Variants in SLCO1A2 observed in about 807,000 individuals in gnomAD.
The protein encoded by SLCO1A2 is OATP-1.
In SLCO1A2, 67 loss-of-function variants were observed where a neutral mutation model predicts 69.0. The ratio of observed to expected loss-of-function variants is 0.97; its 90% CI spans 0.80 to 1.19. The LOEUF is 1.19. SLCO1A2 is among the 50% of genes most tolerant of loss of function. The pLI, the probability that SLCO1A2 is intolerant of heterozygous loss-of-function variation, is 0.00. For missense variants in SLCO1A2, 787 were observed against 793.7 expected (o/e 0.99, Z 0.10); for synonymous variants, 260 against 265.9 (o/e 0.98, Z 0.22).
At chr12:21,323,347 A>C (rs1384279054) in intron 2 of SLCO1A2, among the ~76,000 whole-genome samples, 1 of 152,168 alleles carries the variant, frequency 6.6e-6, no homozygotes, top group Admixed American at 6.5e-5. Context: ...GCTTGAGCCC[A>C]GGAGTTTGAG....
chr12:21,391,299 G>A (rs1356100776), intron 1 of SLCO1A2, among the ~76,000 whole-genome samples: 1 of 152,056 alleles, frequency 6.6e-6, no homozygotes, highest in Non-Finnish European at 1.5e-5. Context: ...CAAATGCTTT[G>A]ACTGTCCTTA....
At chr12:21,394,300 G>A (rs1028054368) in intron 1 of SLCO1A2, among the ~76,000 whole-genome samples, 5 of 152,088 alleles carry the variant, frequency 3.3e-5, no homozygotes, top group African/African-American at 1.2e-4. Flanking sequence ...GGTAGGCCAA[G>A]GTGGGCAGAT....
intron 2 of SLCO1A2, among the ~76,000 whole-genome samples, chr12:21,360,377 A>G (rs1274488876): frequency 6.6e-6 from 1 of 152,272 alleles, no homozygotes; most frequent in Non-Finnish European, 1.5e-5. Context: ...TGGGCCAATA[A>G]GGATCATCAG....
At chr12:21,397,134 C>A (rs898964659), upstream of SLCO1A2, among the ~76,000 whole-genome samples, 71 of 152,102 alleles carry the variant, frequency 4.7e-4, 1 homozygote, top group Middle Eastern at 6.8e-3. Flanking sequence ...ACCCATCTCA[C>A]GTGCAGAGAC....
intron 12 of SLCO1A2, among the ~76,000 whole-genome samples, chr12:21,279,480 A>G (rs928753488): frequency 2.0e-5 from 3 of 152,070 alleles, no homozygotes; most frequent in African/African-American, 7.2e-5. Flanking sequence ...ACTAACATAC[A>G]ATGGAGCGCC....
chr12:21,271,611 A>G (rs529759876), intron 14 of SLCO1A2, among the ~76,000 whole-genome samples: 1 of 149,238 alleles, frequency 6.7e-6, no homozygotes. Flanking sequence ...ATTTTTATAC[A>G]TATTATGTTT....
In SLCO1A2 at chr12:21,331,176, T is replaced by C. The variant is rs369624088; in HGVS notation, c.60+3412A>G. On this transcript the variant is annotated intron_variant, in intron 2 of 14. Coordinates refer to ENST00000683939, the MANE Select transcript of SLCO1A2 (RefSeq NM_001386879.1). ...CTTAAGAAGAATCTGCCCATGACTC[T>C]TGAAACTCCACAGAGAAAGAAAGGG... Among the ~76,000 whole-genome samples, 6 of 152,232 alleles carry C rather than the reference T, an allele frequency of 3.9e-5. No homozygotes were observed. The East Asian group carries it at 7.7e-4, about 20-fold the overall frequency.
At chr12:21,298,113 C>A (rs1263576407) in intron 8 of SLCO1A2, among the ~76,000 whole-genome samples, 9 of 152,214 alleles carry the variant, frequency 5.9e-5, no homozygotes, top group Non-Finnish European at 1.2e-4. Context: ...TTCTTCAGAA[C>A]AACAGTTTCA....
At chr12:21,398,798 G>C (rs1346093943), upstream of SLCO1A2, among the ~76,000 whole-genome samples, 2 of 149,328 alleles carry the variant, frequency 1.3e-5, no homozygotes, top group Non-Finnish European at 3.0e-5. Context: ...AATAGATGCA[G>C]AAAAGGCCTT....
At chr12:21,386,624 C>G (rs2137140168) in intron 1 of SLCO1A2, among the ~76,000 whole-genome samples, 1 of 152,200 alleles carries the variant, frequency 6.6e-6, no homozygotes, top group African/African-American at 2.4e-5. Context: ...GCCCCCCCAG[C>G]CATGTGGAAC....
At chr12:21,376,983 T>C (rs954689678) in intron 1 of SLCO1A2, among the ~76,000 whole-genome samples, 2 of 152,148 alleles carry the variant, frequency 1.3e-5, no homozygotes, top group African/African-American at 4.8e-5. Flanking sequence ...TCCGATATCG[T>C]TTTAAAAGCA....
intron 8 of SLCO1A2, among the ~76,000 whole-genome samples, chr12:21,299,750 G>C (rs1441012803): frequency 7.1e-6 from 1 of 139,880 alleles, no homozygotes; most frequent in Non-Finnish European, 1.6e-5. Flanking sequence ...TTGAGCAAAT[G>C]GGACCATATA....
chr12:21,375,092 A>G (rs560493282), intron 1 of SLCO1A2, among the ~76,000 whole-genome samples: 6 of 152,206 alleles, frequency 3.9e-5, no homozygotes, highest in African/African-American at 1.2e-4. Context: ...TTCTGGGATT[A>G]TAAGAGTGAG....
intron 2 of SLCO1A2, chr12:21,319,272 T>C: frequency 8.7e-7 from 1 of 1,149,998 alleles, no homozygotes; most frequent in South Asian, 1.2e-5. Context: ...TTCATACATG[T>C]ACTGTAATGA....
intron 4 of SLCO1A2, among the ~76,000 whole-genome samples, chr12:21,309,867 G>A (rs529145250): frequency 1.5e-4 from 23 of 152,288 alleles, no homozygotes; most frequent in Admixed American, 1.2e-3. Flanking sequence ...GATTGCAGAT[G>A]GAGAATTGAA....
chr12:21,397,569 C>T (rs1177856785), upstream of SLCO1A2, among the ~76,000 whole-genome samples: 3 of 152,138 alleles, frequency 2.0e-5, no homozygotes, highest in East Asian at 5.8e-4. Flanking sequence ...ACAGAATATA[C>T]ATTTTTTTCA....
At chr12:21,298,412 C>T (rs1184641902) in intron 8 of SLCO1A2, among the ~76,000 whole-genome samples, 1 of 152,124 alleles carries the variant, frequency 6.6e-6, no homozygotes, top group Non-Finnish European at 1.5e-5. Context: ...CTCAAGTTCT[C>T]ACTTTTAATT....
intron 2 of SLCO1A2, among the ~76,000 whole-genome samples, chr12:21,328,252 C>A (rs1952387682): frequency 6.6e-6 from 1 of 151,862 alleles, no homozygotes; most frequent in African/African-American, 2.4e-5. Context: ...GAAATAGATA[C>A]AAAACAGTTT....
intron 2 of SLCO1A2, among the ~76,000 whole-genome samples, chr12:21,327,061 G>T (rs1952295507): frequency 6.6e-6 from 1 of 152,166 alleles, no homozygotes; most frequent in South Asian, 2.1e-4. Context: ...GAAAAAAAAT[G>T]GTTTTCTTGT....
Sources: allele counts gnomAD v4.1 joint callset (sites outside exome capture counted in the v4.1 genomes callset), GRCh38; gene constraint gnomAD v4.1.1; transcripts MANE v1.5; gene names NCBI Gene and HGNC (gene_info 2026-07-23, HGNC 2026-07-21).